DPY19L3: variants seen among roughly 807,000 people sequenced by gnomAD.
DPY19L3 encodes dpy-19 like C-mannosyltransferase 3, also known as protein C-mannosyl-transferase DPY19L3.
DPY19L3 carries 51 observed loss-of-function variants against 92.3 expected under a neutral mutation model. The ratio of observed to expected loss-of-function variants is 0.55; its 90% CI spans 0.44 to 0.70. The LOEUF is 0.70. Among genes scored for constraint, DPY19L3 ranks in the 30% least tolerant of loss-of-function variants. DPY19L3 has a pLI of 0.00. For missense variants in DPY19L3, 706 were observed against 855.9 expected (o/e 0.82, Z 2.18); for synonymous variants, 309 against 315.2 (o/e 0.98, Z 0.21).
At chr19:32,468,656 T>C in intron 15 of DPY19L3, 75 bp from the exon 16 acceptor site, 1 of 1,571,802 alleles carries the variant, frequency 6.4e-7, no homozygotes, top group Non-Finnish European at 8.6e-7. Flanking sequence ...TTTATCTTTT[T>C]TTCATTTAAT....
At chr19:32,460,739 C>T (rs372969061) in intron 12 of DPY19L3, among the ~76,000 whole-genome samples, 5 of 152,236 alleles carry the variant, frequency 3.3e-5, no homozygotes, top group African/African-American at 7.2e-5. Flanking sequence ...TTATGTGGCA[C>T]GTGACTGTCT....
chr19:32,408,208 G>A lies in DPY19L3; in HGVS notation c.-37-9G>A. On this transcript the variant is annotated splice_polypyrimidine_tract_variant and intron_variant, in intron 1 of 18. Transcript: ENST00000392250. ...CACTGACGTTGATGGCCTGTTTATT[G>A]CTATCTAGGAGTGATTTGGAGAACA... 2.1e-6 allele frequency: 3 copies of A among 1,408,364 alleles called. No homozygotes were observed. Among genetic ancestry groups the A allele is most frequent in the Non-Finnish European group, 3.0e-6 (3 of 1,002,206 alleles). The allele number at this position is 1,408,364 out of a possible 1,614,324, so 87.2% of individuals were successfully genotyped here. A position where few individuals can be genotyped will look rare whatever the true frequency, so the allele number is the denominator to read the frequency against.
intron 8 of DPY19L3, among the ~76,000 whole-genome samples, chr19:32,447,340 CA>C (rs1391839501): frequency 6.6e-6 from 1 of 151,958 alleles, no homozygotes; most frequent in African/African-American, 2.4e-5. Context: ...AAAAAGGGAG[CA>C]AAATAAATTC....
chr19:32,429,930 A>G lies in DPY19L3; in HGVS notation c.238-2786A>G, dbSNP rs376105696. On this transcript the variant is annotated intron_variant, in intron 3 of 18. Transcript: ENST00000392250. The stretch of plus-strand genomic sequence containing the variant: ...GGTTGGTTTTAAGTTCTCAAAAGCA[A>G]TAGAGCACGTTTTCTCAAAGATAAA... 5.9e-5 allele frequency among the ~76,000 whole-genome samples: 9 copies of G among 152,328 alleles called. No individual in the cohort carries two copies. The East Asian group carries it at 1.5e-3, about 26-fold the overall frequency.
chr19:32,428,850 G>GTTGT (rs922501466), intron 3 of DPY19L3, among the ~76,000 whole-genome samples: 1 of 144,790 alleles, frequency 6.9e-6, no homozygotes, highest in East Asian at 2.0e-4. Context: ...TCTTGTTGTT[G>GTTGT]TTGTTTGTTT....
intron 3 of DPY19L3, among the ~76,000 whole-genome samples, chr19:32,417,751 T>G (rs1017070871): frequency 1.3e-5 from 2 of 152,220 alleles, no homozygotes; most frequent in African/African-American, 4.8e-5. Context: ...GAACTGTGAC[T>G]CCATTAAACC....
At chr19:32,450,098 G>C (rs1159985335) in intron 8 of DPY19L3, among the ~76,000 whole-genome samples, 3 of 152,094 alleles carry the variant, frequency 2.0e-5, no homozygotes, top group Admixed American at 2.0e-4. Flanking sequence ...TATTTCTCCA[G>C]GTAAGATACA....
chr19:32,436,630 G>A (rs914750035), intron 5 of DPY19L3, 63 bp downstream of exon 5: 6 of 1,306,398 alleles, frequency 4.6e-6, no homozygotes, highest in Non-Finnish European at 6.1e-6. Context: ...ATTTTGAACT[G>A]AAAGTTATCA....
At position 32,436,538 on chromosome 19, in the gene DPY19L3, A is replaced by G. The variant is rs551981073; in HGVS notation, c.421A>G (p.Ser141Gly). Residue 141 changes from serine to glycine, a missense_variant, in exon 5 of 19, where the codon AGT (serine) becomes GGT (glycine). Coordinates refer to ENST00000392250, the MANE Select transcript of DPY19L3 (RefSeq NM_001172774.2). ...RMNIYQEVFL[S>G]ILYRVLPIQK... Reference sequence around the variant, plus strand: ...GAATATTTACCAAGAGGTTTTTCTCAGTATTTTATATAGAGTTCTACCCAT... The same window carrying G: ...GAATATTTACCAAGAGGTTTTTCTCGGTATTTTATATAGAGTTCTACCCAT... The G allele has an allele frequency of 5.7e-6, 9 of 1,576,060 alleles. No homozygotes were observed. In the East Asian group the frequency reaches 1.6e-4, roughly 28 times the overall value.
intron 8 of DPY19L3, 137 bp downstream of exon 8, chr19:32,440,047 C>T: frequency 9.1e-7 from 1 of 1,102,970 alleles, no homozygotes; most frequent in Non-Finnish European, 1.3e-6. Context: ...TTGCTGTGGC[C>T]AATTGAAGCT....
chr19:32,420,706 T>C (rs750862319), intron 3 of DPY19L3, among the ~76,000 whole-genome samples: 120 of 152,304 alleles, frequency 7.9e-4, no homozygotes, highest in African/African-American at 2.6e-3. Flanking sequence ...CATCTCTGCC[T>C]CCCAAAGTGC....
chr19:32,448,537 A>G (rs1438990271), intron 8 of DPY19L3, among the ~76,000 whole-genome samples: 1 of 152,230 alleles, frequency 6.6e-6, no homozygotes, highest in Non-Finnish European at 1.5e-5. Flanking sequence ...GTGATGCATT[A>G]TATACTATAT....
rs1329321484 is a variant in DPY19L3 at position 32,482,183 on chromosome 19, C to A, written c.2094C>A (p.Phe698Leu). The A allele has an allele frequency of 6.2e-7, 1 of 1,613,898 alleles. No individual in the cohort carries two copies. The highest frequency in any genetic ancestry group is 8.5e-7 in the Non-Finnish European group (1 of 1,179,852). The change falls in exon 19 of 19, where the codon TTC becomes TTA. Residue 698 changes from phenylalanine (F) to leucine (L), a missense_variant. Physicochemically the swap from Phe to Leu is conservative, Grantham distance 22. Transcript: ENST00000392250. ...ACCTGCCTCCCTACGTGGCCTACTTCACCAGAGTGTTCCAGAACAAAACCT... is the reference window on the plus strand; with the variant it reads ...ACCTGCCTCCCTACGTGGCCTACTTAACCAGAGTGTTCCAGAACAAAACCT... ...KRNLPPYVAY[F>L]TRVFQNKTFH...
chr19:32,425,979 G>A (rs944514727), intron 3 of DPY19L3, among the ~76,000 whole-genome samples: 3 of 152,194 alleles, frequency 2.0e-5, no homozygotes, highest in African/African-American at 7.2e-5. Context: ...GTCCGAGATG[G>A]CATCTTCTTC....
Position 32,485,122 on chromosome 19 carries a change from C to G in DPY19L3, c.*2882C>G, listed in dbSNP as rs575116378. ...AATCCGTGTCTTTATATCAGAAGATCGGCAAACGAATGTATATTACACAGT... is the reference window on the plus strand; with the variant it reads ...AATCCGTGTCTTTATATCAGAAGATGGGCAAACGAATGTATATTACACAGT... On this transcript the variant is annotated 3_prime_UTR_variant, in exon 19 of 19. Coordinates refer to ENST00000392250, the MANE Select transcript of DPY19L3 (RefSeq NM_001172774.2). The G allele has an allele frequency of 6.6e-6, 1 of 152,244 alleles. No homozygotes were observed. The highest frequency in any genetic ancestry group is 6.5e-5 in the Admixed American group (1 of 15,292). 9.4% of individuals were successfully genotyped at this position (152,244 alleles called of 1,614,324 possible).
At chr19:32,451,477 A>G (rs552435238) in intron 8 of DPY19L3, among the ~76,000 whole-genome samples, 1 of 152,170 alleles carries the variant, frequency 6.6e-6, no homozygotes, top group Non-Finnish European at 1.5e-5. Flanking sequence ...CATTGACACT[A>G]AGCAAAAGCA....
rs1381612647 is a variant in DPY19L3 at position 32,432,805 on chromosome 19, A to T, written c.327A>T (p.Gln109His). The T allele has an allele frequency of 1.9e-6, 3 of 1,613,554 alleles. No individual in the cohort carries two copies. The highest frequency in any genetic ancestry group is 1.7e-6 in the Non-Finnish European group (2 of 1,179,614). Reference protein sequence around the residue: ...KQMLQAPTLVQGFHGLIYDNK... With the variant: ...KQMLQAPTLVHGFHGLIYDNK... ...TGCTGCAGGCTCCAACCCTCGTGCA[A>T]GGTAATTACAACTGATAGTTTCATT... Residue 109 changes from glutamine (Q) to histidine (H), a missense_variant and splice_region_variant, in exon 4 of 19, where the codon CAA becomes CAT. Physicochemically the swap from Gln to His is conservative, Grantham distance 24 (BLOSUM62 0). Transcript: ENST00000392250.
intron 8 of DPY19L3, among the ~76,000 whole-genome samples, chr19:32,450,881 ACTG>A (rs1431644616): frequency 9.2e-5 from 14 of 152,306 alleles, no homozygotes; most frequent in African/African-American, 2.9e-4. Context: ...AACTAATAAA[ACTG>A]CTAAGAAGGA....
chr19:32,463,344 T>G (rs764150617), intron 12 of DPY19L3, 22 bp from the exon 13 acceptor site: 2 of 1,612,054 alleles, frequency 1.2e-6, no homozygotes, highest in Non-Finnish European at 1.7e-6. Context: ...GCTTAAATTT[T>G]GTATGTTGCT....
Sources: gnomAD v4.1 joint callset for allele counts (sites outside exome capture counted in the v4.1 genomes callset) on GRCh38, gnomAD v4.1.1 for gene constraint, MANE v1.5 for transcripts, NCBI Gene and HGNC (gene_info 2026-07-23, HGNC 2026-07-21) for gene names.